Variants in ZNF384 observed in about 807,000 individuals in gnomAD.
The protein encoded by ZNF384 is zinc finger protein 384, also known as CAG repeat protein 1.
A neutral mutation model predicts 65.0 loss-of-function variants in ZNF384; 20 were observed. The observed-to-expected ratio is 0.31, with a 90% confidence interval of 0.22 to 0.45. The LOEUF (loss-of-function observed/expected upper bound fraction) is 0.45. ZNF384 is among the 20% of genes least tolerant of loss of function. The pLI, the probability that ZNF384 is intolerant of heterozygous loss-of-function variation, is 1.00. For missense variants in ZNF384, 549 were observed against 769.4 expected (o/e 0.71, Z 3.39); for synonymous variants, 310 against 303.9 (o/e 1.02, Z -0.21).
At position 6,672,564 on chromosome 12, in the gene ZNF384, G is replaced by A. The variant is rs746960885; in HGVS notation, c.1005-32C>T. On this transcript the variant is annotated intron_variant, in intron 8 of 11. Coordinates refer to ENST00000683879, the MANE Select transcript of ZNF384 (RefSeq NM_001385745.1). The surrounding 1 kb of genome is among the most constrained non-coding windows in gnomAD (Gnocchi z 4.4). ...GAGAGGAGAGGAGGGAAGGGGGGAG[G>A]AGGAAGCAGTTCGACACCAGGGGCT... 17 of 1,602,346 alleles carry A rather than the reference G, an allele frequency of 1.1e-5. No homozygotes were observed. The highest frequency in any genetic ancestry group is 5.1e-5 in the Admixed American group (3 of 59,376).
Position 6,667,903 on chromosome 12 carries a change from TTGCTGCTGCTGCTGCTGC to T in ZNF384, c.1620_1637del (p.Gln542_Gln547del), listed in dbSNP as rs3835029. The T allele has an allele frequency of 2.9e-4, 444 of 1,547,582 alleles. 1 individual carries two copies. Among genetic ancestry groups the T allele is most frequent in the Admixed American group, 2.4e-3 (141 of 57,990 alleles). On this transcript the variant is annotated inframe_deletion, in exon 12 of 12. Coordinates refer to ENST00000683879, the MANE Select transcript of ZNF384 (RefSeq NM_001385745.1). ...GAGACTGGAAGTGTGGTGGTGGCTG[TTGCTGCTGCTGCTGCTGC>T]TGCTGCTGCTGCTGCTGCTGCTGCT...
In ZNF384 at chr12:6,673,578, T is replaced by C; in HGVS notation, c.780-138A>G. Reference sequence around the variant, plus strand: ...TTGAGAGTAGAGCTCTATATATTCATCTTTATGGCCTAAGCTTCTAACATG... The same window carrying C: ...TTGAGAGTAGAGCTCTATATATTCACCTTTATGGCCTAAGCTTCTAACATG... On this transcript the variant is annotated intron_variant, in intron 7 of 11. Transcript: ENST00000683879. This position sits in a 1 kb window ranked among gnomAD's most constrained non-coding sequence, Gnocchi z 4.7. 1.5e-6 allele frequency: 1 copy of C among 656,216 alleles called. No homozygotes were observed. The highest frequency in any genetic ancestry group is 2.6e-6 in the Non-Finnish European group (1 of 381,800). 40.6% of individuals were successfully genotyped at this position (656,216 alleles called of 1,614,324 possible). A position where few individuals can be genotyped will look rare whatever the true frequency, so the allele number is the denominator to read the frequency against.
intron 2 of ZNF384, among the ~76,000 whole-genome samples, chr12:6,685,431 A>G (rs1957551119): frequency 6.6e-6 from 1 of 152,210 alleles, no homozygotes; most frequent in Admixed American, 6.5e-5. Context: ...CTGGGTTCTC[A>G]TATCAACTTT....
At chr12:6,671,163 A>G (rs2136510870) in intron 9 of ZNF384, among the ~76,000 whole-genome samples, 1 of 152,358 alleles carries the variant, frequency 6.6e-6, no homozygotes, top group East Asian at 1.9e-4. Context: ...CAAGAACACA[A>G]GATAAACACA....
chr12:6,678,592 T>A lies in ZNF384; in HGVS notation c.352+71A>T. Reference sequence around the variant, plus strand: ...GACCCAACCCAGAGTACACAGGAAATCCCAAACCCTGTAGAAAAATAATGG... The same window carrying A: ...GACCCAACCCAGAGTACACAGGAAAACCCAAACCCTGTAGAAAAATAATGG... On this transcript the variant is annotated intron_variant, in intron 5 of 11. Transcript: ENST00000683879. The surrounding 1 kb of genome is among the most constrained non-coding windows in gnomAD (Gnocchi z 4.9). The A allele has an allele frequency of 6.6e-7, 1 of 1,521,696 alleles. No homozygotes were observed. Among genetic ancestry groups the A allele is most frequent in the Non-Finnish European group, 9.0e-7 (1 of 1,116,508 alleles). 94.3% of individuals were successfully genotyped at this position (1,521,696 alleles called of 1,614,324 possible).
At chr12:6,671,617 T>G (rs1234846824) in intron 9 of ZNF384, 6 of 152,316 alleles carry the variant, frequency 3.9e-5, no homozygotes, top group Admixed American at 2.0e-4. Context: ...AGATGTCTGA[T>G]CACTTTAAGG....
In ZNF384 at chr12:6,678,170, G is replaced by C; in HGVS notation, c.643C>G (p.Pro215Ala). 6.2e-7 allele frequency: 1 copy of C among 1,614,076 alleles called. No individual in the cohort carries two copies. Among genetic ancestry groups the C allele is most frequent in the Non-Finnish European group, 8.5e-7 (1 of 1,179,982 alleles). Residue 215 changes from proline (P) to alanine (A), a missense_variant, in exon 6 of 12, where the codon CCT becomes GCT. Transcript: ENST00000683879. The surrounding 1 kb of genome is among the most constrained non-coding windows in gnomAD (Gnocchi z 4.9). Reference protein sequence around the residue: ...PEMNDPYVLSPEDDDDHQKDG... With the variant: ...PEMNDPYVLSAEDDDDHQKDG... ...TTCTGATGGTCATCATCATCCTCAG[G>C]GGAGAGGACATAAGGGTCATTCATC...
rs902893690 is a variant in ZNF384 at position 6,669,887 on chromosome 12, A to C, written c.1267-698T>G. ...CAGTAAGCTGAAATCACACCACTGC[A>C]CTCCAGCCTAGGTGACCCAGCGAGC... is the stretch of plus-strand genomic sequence containing the variant. On this transcript the variant is annotated intron_variant, in intron 10 of 11. Transcript: ENST00000683879. Among the ~76,000 whole-genome samples, 11 of 151,980 alleles carry C rather than the reference A, an allele frequency of 7.2e-5. 1 individual carries two copies. The South Asian group carries it at 2.1e-3, about 29-fold the overall frequency.
chr12:6,687,262 C>A (rs534363274), intron 2 of ZNF384, among the ~76,000 whole-genome samples: 111 of 152,292 alleles, frequency 7.3e-4, no homozygotes, highest in African/African-American at 2.6e-3. Context: ...GCTACCACCA[C>A]ACAGCTGGCA....
Position 6,667,696 on chromosome 12 carries a change from G to A in ZNF384, c.*18C>T, listed in dbSNP as rs1214337871. On this transcript the variant is annotated 3_prime_UTR_variant, in exon 12 of 12. Transcript: ENST00000683879. The stretch of plus-strand genomic sequence containing the variant: ...AGGACTACTTCTTCCTCTTCCCAGT[G>A]GGTGGCAGCACGGATCTCTAAGAGC... 3 of 1,613,932 alleles carry A rather than the reference G, an allele frequency of 1.9e-6. No individual in the cohort carries two copies. Among genetic ancestry groups the A allele is most frequent in the African/African-American group, 1.3e-5 (1 of 74,916 alleles).
chr12:6,681,293 C>T (rs1476075413), intron 2 of ZNF384, among the ~76,000 whole-genome samples: 1 of 151,238 alleles, frequency 6.6e-6, no homozygotes, highest in Admixed American at 6.6e-5. Context: ...CAGATGGGTA[C>T]AGAACACAGG....
rs1949884001 is a variant in ZNF384 at position 6,666,770 on chromosome 12, A to G, written c.*944T>C. Reference sequence around the variant, plus strand: ...AGATAATGCATTTATAAACACAGAAATGGTTACAACAAAGATGGCCGTGAT... The same window carrying G: ...AGATAATGCATTTATAAACACAGAAGTGGTTACAACAAAGATGGCCGTGAT... On this transcript the variant is annotated 3_prime_UTR_variant, in exon 12 of 12. Transcript: ENST00000683879. 5.8e-6 allele frequency: 1 copy of G among 172,028 alleles called. No homozygotes were observed. The highest frequency in any genetic ancestry group is 2.4e-5 in the African/African-American group (1 of 41,846). The allele number at this position is 172,028 out of a possible 1,614,324, so 10.7% of individuals were successfully genotyped here.
At chr12:6,686,578 GTCC>G (rs944754120) in intron 2 of ZNF384, among the ~76,000 whole-genome samples, 28 of 152,172 alleles carry the variant, frequency 1.8e-4, no homozygotes, top group Non-Finnish European at 3.1e-4. Flanking sequence ...CTAATTCTAG[GTCC>G]TATATCAGTG....
chr12:6,672,563 G>A lies in ZNF384; in HGVS notation c.1005-31C>T. The A allele has an allele frequency of 6.2e-7, 1 of 1,606,286 alleles. No homozygotes were observed. The highest frequency in any genetic ancestry group is 8.5e-7 in the Non-Finnish European group (1 of 1,174,692). On this transcript the variant is annotated intron_variant, in intron 8 of 11. Transcript: ENST00000683879. This position sits in a 1 kb window ranked among gnomAD's most constrained non-coding sequence, Gnocchi z 4.4. Reference sequence around the variant, plus strand: ...GGAGAGGAGAGGAGGGAAGGGGGGAGGAGGAAGCAGTTCGACACCAGGGGC... The same window carrying A: ...GGAGAGGAGAGGAGGGAAGGGGGGAAGAGGAAGCAGTTCGACACCAGGGGC...
intron 2 of ZNF384, among the ~76,000 whole-genome samples, chr12:6,685,776 CAA>C (rs778337408): frequency 3.5e-3 from 152 of 43,206 alleles, no homozygotes; most frequent in African/African-American, 0.011. Context: ...GACTCAGTCT[CAA>C]AAAAAAAAAA....
rs1449807530 is a variant in ZNF384, at chr12:6,669,197, A to T, written c.1267-8T>A. The T allele has an allele frequency of 6.2e-7, 1 of 1,601,054 alleles. No individual in the cohort carries two copies. Among genetic ancestry groups the T allele is most frequent in the Non-Finnish European group, 8.5e-7 (1 of 1,171,478 alleles). ...GTGTTGCCGTCTGTGGGACTGAGAA[A>T]ATTGGGAGAAACCAGAATGAATACA... On this transcript the variant is annotated splice_polypyrimidine_tract_variant and splice_region_variant and intron_variant, in intron 10 of 11. Coordinates refer to ENST00000683879, the MANE Select transcript of ZNF384 (RefSeq NM_001385745.1).
chr12:6,672,644 T>C lies in ZNF384; in HGVS notation c.1005-112A>G, dbSNP rs956596019. The C allele has an allele frequency of 9.6e-7, 1 of 1,038,540 alleles. No homozygotes were observed. The highest frequency in any genetic ancestry group is 1.6e-5 in the South Asian group (1 of 63,774). 64.3% of individuals were successfully genotyped at this position (1,038,540 alleles called of 1,614,324 possible). ...TTGACGGATGAGAGCACCCCCTTCC[T>C]CCCTCCTCCCAAAAACACTCCAGCC... On this transcript the variant is annotated intron_variant, in intron 8 of 11. Coordinates refer to ENST00000683879, the MANE Select transcript of ZNF384 (RefSeq NM_001385745.1). The surrounding 1 kb of genome is among the most constrained non-coding windows in gnomAD (Gnocchi z 4.4).
At position 6,672,492 on chromosome 12, in the gene ZNF384, T is replaced by C. The variant is rs371281229; in HGVS notation, c.1045A>G (p.Lys349Glu). ...AAGGTCTTGGAGCAGTGCGGGCACT[T>C]GTGGGGCTTGATGGTCTCCGTGTGC... is the stretch of plus-strand genomic sequence containing the variant. ...KMHTETIKPH[K>E]CPHCSKTFAN... Residue 349 changes from lysine to glutamate, a missense_variant, in exon 9 of 12, where the codon AAG becomes GAG. Physicochemically the swap from Lys to Glu is moderately conservative, Grantham distance 56. Coordinates refer to ENST00000683879, the MANE Select transcript of ZNF384 (RefSeq NM_001385745.1). This position sits in a 1 kb window ranked among gnomAD's most constrained non-coding sequence, Gnocchi z 4.4. 8 of 1,613,908 alleles carry C rather than the reference T, an allele frequency of 5.0e-6. No individual in the cohort carries two copies. The highest frequency in any genetic ancestry group is 6.8e-6 in the Non-Finnish European group (8 of 1,179,996).
In ZNF384 at chr12:6,678,480, G is replaced by A. The variant is rs902680763; in HGVS notation, c.353-20C>T. On this transcript the variant is annotated intron_variant, in intron 5 of 11. Transcript: ENST00000683879. The surrounding 1 kb of genome is among the most constrained non-coding windows in gnomAD (Gnocchi z 4.9). ...CCGGACCTAGGATTGGGAGAAAAAG[G>A]AGATGGCGTCATGTTGTTCAGTCCT... 9.6e-6 allele frequency: 15 copies of A among 1,566,574 alleles called. 1 individual carries two copies. Among genetic ancestry groups the A allele is most frequent in the Non-Finnish European group, 1.3e-5 (15 of 1,153,242 alleles).
Sources: gnomAD v4.1 joint callset for allele counts (sites outside exome capture counted in the v4.1 genomes callset) on GRCh38, gnomAD v4.1.1 for gene constraint, Gnocchi (gnomAD v3.1) non-coding constraint, MANE v1.5 for transcripts, NCBI Gene and HGNC (gene_info 2026-07-23, HGNC 2026-07-21) for gene names.